OR7C1: variants seen among roughly 807,000 people sequenced by gnomAD.
OR7C1 encodes olfactory receptor 7C1.
For missense variants in OR7C1, 324 were observed against 383.3 expected (o/e 0.85, Z 1.29); for synonymous variants, 152 against 160.7 (o/e 0.95, Z 0.41).
intron 1 of OR7C1, among the ~76,000 whole-genome samples, chr19:14,821,101 A>C (rs531839160): frequency 1.3e-5 from 2 of 152,012 alleles, no homozygotes; most frequent in Non-Finnish European, 2.9e-5. Flanking sequence ...AGCTGGGTGT[A>C]GTGGCAGGTG....
chr19:14,821,428 C>T (rs1378174593), intron 1 of OR7C1: 1 of 152,162 alleles, frequency 6.6e-6, no homozygotes, highest in Non-Finnish European at 1.5e-5. Flanking sequence ...CCTGTTCTCC[C>T]AACAGTGTGG....
intron 1 of OR7C1, chr19:14,828,190 A>T (rs2044793712): frequency 1.2e-6 from 2 of 1,613,652 alleles, no homozygotes; most frequent in African/African-American, 2.7e-5. Context: ...GGTTCTTGTG[A>T]AAATCCCAGA....
chr19:14,824,552 G>GT (rs370309105), intron 1 of OR7C1: 16 of 152,178 alleles, frequency 1.1e-4, no homozygotes, highest in Admixed American at 4.6e-4. Flanking sequence ...CAAAGGACAT[G>GT]TTTTTTTCTT....
At chr19:14,809,458 G>T (rs554471079) in intron 2 of OR7C1, among the ~76,000 whole-genome samples, 2 of 151,914 alleles carry the variant, frequency 1.3e-5, no homozygotes, top group East Asian at 3.9e-4. Context: ...TGGAGAGCAA[G>T]AAACAGATTG....
intron 1 of OR7C1, chr19:14,828,065 C>T: frequency 1.2e-6 from 2 of 1,614,080 alleles, no homozygotes; most frequent in Non-Finnish European, 1.7e-6. Flanking sequence ...GGAAGAAGTA[C>T]ATGGGGGTGT....
At chr19:14,823,536 A>C (rs1188421754) in intron 1 of OR7C1, among the ~76,000 whole-genome samples, 3 of 152,212 alleles carry the variant, frequency 2.0e-5, no homozygotes, top group Non-Finnish European at 4.4e-5. Flanking sequence ...CTAGTGGTGA[A>C]GTCTGGGCTT....
chr19:14,828,013 T>C, intron 1 of OR7C1: 1 of 1,614,152 alleles, frequency 6.2e-7, no homozygotes, highest in East Asian at 2.2e-5. Flanking sequence ...TTTGGAATGG[T>C]GGTGGAAGTA....
intron 1 of OR7C1, chr19:14,828,400 A>G: frequency 8.8e-6 from 7 of 793,234 alleles, no homozygotes; most frequent in South Asian, 1.9e-5. Flanking sequence ...TCTCCATGTC[A>G]TCTCTGATTA....
intron 2 of OR7C1, among the ~76,000 whole-genome samples, chr19:14,808,611 A>T (rs753690124): frequency 2.1e-5 from 3 of 142,760 alleles, no homozygotes; most frequent in Non-Finnish European, 3.1e-5. Context: ...TAGGCATTGG[A>T]GACTCCAAAA....
intron 1 of OR7C1, among the ~76,000 whole-genome samples, chr19:14,814,656 C>T (rs973038730): frequency 6.6e-6 from 1 of 152,120 alleles, no homozygotes; most frequent in Non-Finnish European, 1.5e-5. Context: ...AACTCCTGAC[C>T]TCAGGTGATC....
intron 1 of OR7C1, chr19:14,827,126 A>G (rs2044775198): frequency 3.0e-6 from 2 of 668,848 alleles, no homozygotes; most frequent in Non-Finnish European, 4.5e-6. Flanking sequence ...AGAAAGCTTA[A>G]TAAAAGGAGT....
chr19:14,800,002 G>C (rs753265154), exon 5 of OR7C1: 11 of 1,614,130 alleles, frequency 6.8e-6, no homozygotes, highest in South Asian at 1.1e-5. Flanking sequence ...TGGCCAGGAT[G>C]ATGAGCAGGT....
chr19:14,805,372 T>C (rs966157964), intron 2 of OR7C1, among the ~76,000 whole-genome samples: 1 of 150,168 alleles, frequency 6.7e-6, no homozygotes, highest in Admixed American at 6.7e-5. Context: ...CCCATGATGG[T>C]CCACTGAGGC....
intron 1 of OR7C1, among the ~76,000 whole-genome samples, chr19:14,823,458 TA>T (rs1260069738): frequency 6.6e-6 from 1 of 151,994 alleles, no homozygotes; most frequent in African/African-American, 2.4e-5. Flanking sequence ...TCTAAAAAAA[TA>T]AAAAATAAAT....
intron 1 of OR7C1, among the ~76,000 whole-genome samples, chr19:14,828,932 CAAT>C (rs2044803737): frequency 1.3e-5 from 1 of 77,156 alleles, no homozygotes; most frequent in Admixed American, 1.5e-4. Context: ...ACAAATTAAA[CAAT>C]CGAATATAAA....
At chr19:14,801,665 G>T (rs1233020665) in intron 2 of OR7C1, among the ~76,000 whole-genome samples, 1 of 152,190 alleles carries the variant, frequency 6.6e-6, no homozygotes, top group East Asian at 1.9e-4. Context: ...AACTACCCGA[G>T]ACTGGGTAAT....
chr19:14,818,440 G>A (rs1406947661), intron 1 of OR7C1, among the ~76,000 whole-genome samples: 2 of 151,426 alleles, frequency 1.3e-5, no homozygotes, highest in Non-Finnish European at 2.9e-5. Flanking sequence ...GGGTTATCCA[G>A]ATGAAAAAAA....
intron 1 of OR7C1, among the ~76,000 whole-genome samples, chr19:14,812,227 C>A (rs1243953809): frequency 6.6e-6 from 1 of 152,186 alleles, no homozygotes; most frequent in Non-Finnish European, 1.5e-5. Flanking sequence ...TTTCTATAAT[C>A]TCTTCCATTG....
chr19:14,825,187 C>T (rs1036564224), intron 1 of OR7C1: 1 of 152,206 alleles, frequency 6.6e-6, no homozygotes, highest in Admixed American at 6.5e-5. Context: ...GCTACCATCA[C>T]ACCACTCTAC....
Sources: gnomAD v4.1 joint callset for allele counts (sites outside exome capture counted in the v4.1 genomes callset) on GRCh38, gnomAD v4.1.1 for gene constraint, MANE v1.5 for transcripts, NCBI Gene and HGNC (gene_info 2026-07-23, HGNC 2026-07-21) for gene names.